Variants in GFRA1 observed in about 807,000 individuals in gnomAD.
GFRA1 encodes the protein GDNF family receptor alpha-1.
GFRA1 carries 16 observed loss-of-function variants against 51.6 expected under a neutral mutation model. The observed-to-expected ratio is 0.31, with a 90% CI of 0.21 to 0.47. GFRA1 has a LOEUF of 0.47. Ranked by LOEUF, GFRA1 falls within the 20% of genes least tolerant of loss-of-function variation. GFRA1 has a pLI of 1.00. For synonymous variants in GFRA1, 270 were observed against 241.3 expected (o/e 1.12, Z -1.10); for missense variants, 530 against 594.3 (o/e 0.89, Z 1.13).
At chr10:116,270,732 G>T in intron 3 of GFRA1, 90 bp downstream of exon 3, 1 of 1,058,816 alleles carries the variant, frequency 9.4e-7, no homozygotes. Context: ...GGAGAAGTGA[G>T]TGGAGGATGA....
intron 4 of GFRA1, among the ~76,000 whole-genome samples, chr10:116,247,556 G>T (rs1311592088): frequency 6.6e-6 from 1 of 152,130 alleles, no homozygotes; most frequent in Non-Finnish European, 1.5e-5. Context: ...ACTTACTGGG[G>T]TGCATTTCCA....
Position 116,125,496 on chromosome 10 carries a change from G to A in GFRA1, c.495C>T (p.Asp165=), listed in dbSNP as rs375847239. The part of the protein sequence containing the change: ...LDAAKACNLD[D]ICKKYRSAYI... ...ACGCCGACCTGTACTTCTTGCAAAT[G>A]TCGTCGAGGTTGCAGGCCTTCGCTG... Residue 165 remains aspartate, a synonymous_variant, in exon 6 of 11, where the codon GAC becomes GAT. Transcript: ENST00000355422. 7 of 1,614,088 alleles carry A rather than the reference G, an allele frequency of 4.3e-6. No homozygotes were observed. In the African/African-American group the frequency reaches 5.3e-5, roughly 12 times the overall value.
chr10:116,124,390 C>T (rs367758530), intron 6 of GFRA1, among the ~76,000 whole-genome samples: 68 of 151,866 alleles, frequency 4.5e-4, no homozygotes, highest in African/African-American at 1.3e-3. Context: ...CCACCATGCC[C>T]GGCTAATTTT....
chr10:116,259,363 C>T (rs1335466024), intron 4 of GFRA1, among the ~76,000 whole-genome samples: 3 of 145,634 alleles, frequency 2.1e-5, no homozygotes, highest in Admixed American at 7.0e-5. Flanking sequence ...GCTATTTATA[C>T]GACAACATGA....
intron 5 of GFRA1, among the ~76,000 whole-genome samples, chr10:116,182,401 C>T (rs181149690): frequency 1.9e-3 from 282 of 152,300 alleles, no homozygotes; most frequent in Non-Finnish European, 3.2e-3. Flanking sequence ...CTGAATATTA[C>T]TCTTTTTGTA....
chr10:116,112,577 G>C (rs1343821654), intron 6 of GFRA1, among the ~76,000 whole-genome samples: 1 of 152,150 alleles, frequency 6.6e-6, no homozygotes, highest in African/African-American at 2.4e-5. Context: ...TGGACACAAA[G>C]GGTTTTTACA....
At chr10:116,266,069 C>T (rs115910380) in intron 4 of GFRA1, among the ~76,000 whole-genome samples, 436 of 152,252 alleles carry the variant, frequency 2.9e-3, no homozygotes, top group African/African-American at 1.0e-2. Context: ...TTGTTCCCAA[C>T]GGGCCACTGA....
At chr10:116,088,431 A>G (rs1956186137) in intron 9 of GFRA1, among the ~76,000 whole-genome samples, 1 of 152,062 alleles carries the variant, frequency 6.6e-6, no homozygotes, top group African/African-American at 2.4e-5. Context: ...ATTTCCCTCA[A>G]AATACAGGAA....
chr10:116,227,735 TG>T (rs1457312566), intron 4 of GFRA1, among the ~76,000 whole-genome samples: 3 of 152,168 alleles, frequency 2.0e-5, no homozygotes, highest in African/African-American at 7.2e-5. Context: ...GGACACACAG[TG>T]GGTGCAGGTG....
intron 6 of GFRA1, among the ~76,000 whole-genome samples, chr10:116,103,225 A>G (rs998224561): frequency 3.3e-5 from 5 of 152,206 alleles, no homozygotes; most frequent in African/African-American, 9.7e-5. Flanking sequence ...GACTTAAATG[A>G]CAATTATATA....
intron 6 of GFRA1, among the ~76,000 whole-genome samples, chr10:116,103,864 A>G (rs1301082295): frequency 2.0e-5 from 3 of 152,182 alleles, no homozygotes; most frequent in Non-Finnish European, 4.4e-5. Flanking sequence ...GGCCTGTATT[A>G]AATACATTTT....
intron 3 of GFRA1, among the ~76,000 whole-genome samples, chr10:116,269,822 T>C (rs575367185): frequency 8.4e-4 from 128 of 152,182 alleles, no homozygotes; most frequent in African/African-American, 2.9e-3. Flanking sequence ...CCCAGCCCTA[T>C]CTTGCCAGAA....
chr10:116,196,189 T>C (rs1171501718), intron 5 of GFRA1, among the ~76,000 whole-genome samples: 1 of 120,894 alleles, frequency 8.3e-6, no homozygotes, highest in African/African-American at 3.5e-5. Flanking sequence ...AAATTTGATG[T>C]CTTAAAAAAA....
intron 9 of GFRA1, among the ~76,000 whole-genome samples, chr10:116,070,508 G>T (rs1286491184): frequency 6.6e-6 from 1 of 152,172 alleles, no homozygotes; most frequent in Non-Finnish European, 1.5e-5. Flanking sequence ...ATGGGAAGAA[G>T]AGTATGTACC....
At chr10:116,206,449 C>T (rs956915794) in intron 5 of GFRA1, among the ~76,000 whole-genome samples, 1 of 152,090 alleles carries the variant, frequency 6.6e-6, no homozygotes, top group East Asian at 1.9e-4. Flanking sequence ...AAGCCCACCC[C>T]GACAATTAAC....
intron 5 of GFRA1, among the ~76,000 whole-genome samples, chr10:116,131,873 G>A (rs1958115858): frequency 7.1e-6 from 1 of 141,464 alleles, no homozygotes; most frequent in Non-Finnish European, 1.5e-5. Flanking sequence ...TATGCTTAAG[G>A]TTTGTGCCTA....
intron 9 of GFRA1, among the ~76,000 whole-genome samples, chr10:116,080,695 T>C (rs1226441209): frequency 6.6e-6 from 1 of 152,098 alleles, no homozygotes; most frequent in African/African-American, 2.4e-5. Flanking sequence ...GGATCACACC[T>C]GAGTGTCCGA....
intron 5 of GFRA1, among the ~76,000 whole-genome samples, chr10:116,207,523 C>A (rs549065041): frequency 1.3e-5 from 2 of 152,226 alleles, no homozygotes; most frequent in Admixed American, 6.5e-5. Context: ...CTACAAAAAC[C>A]CCCTTTCTTT....
intron 4 of GFRA1, among the ~76,000 whole-genome samples, chr10:116,258,173 AT>A (rs1969026039): frequency 6.6e-6 from 1 of 152,030 alleles, no homozygotes; most frequent in African/African-American, 2.4e-5. Flanking sequence ...GACAATTCCT[AT>A]TTACCTCTGA....
Sources: gnomAD v4.1 joint callset for allele counts (sites outside exome capture counted in the v4.1 genomes callset) on GRCh38, gnomAD v4.1.1 for gene constraint, MANE v1.5 for transcripts, NCBI Gene and HGNC (gene_info 2026-07-23, HGNC 2026-07-21) for gene names.